NDUFV3: variants seen among roughly 807,000 people sequenced by gnomAD.
The protein encoded by NDUFV3 is NADH:ubiquinone oxidoreductase subunit V3.
Under a neutral mutation model 37.5 loss-of-function variants are expected in NDUFV3, and 44 were observed. That is an observed-to-expected ratio of 1.17 (90% confidence interval 0.92 to 1.51). The LOEUF (loss-of-function observed/expected upper bound fraction) is 1.51, where lower values mean the gene tolerates loss of function less well. Ranked by LOEUF, NDUFV3 falls within the 40% of genes most tolerant of loss-of-function variation. The pLI, the probability that NDUFV3 is intolerant of heterozygous loss-of-function variation, is 0.00. For synonymous variants in NDUFV3, 235 were observed against 239.3 expected, an observed-to-expected ratio of 0.98 and a Z score of 0.17; for missense variants, 580 against 580.4, an observed-to-expected ratio of 1.00 and a Z score of 0.01.
At position 42,910,648 on chromosome 21, in the gene NDUFV3, G is replaced by A; in HGVS notation, c.*1627G>A. The A allele has an allele frequency of 6.4e-6, 1 of 157,414 alleles. No homozygotes were observed. The highest frequency in any genetic ancestry group is 1.4e-5 in the Non-Finnish European group (1 of 70,396). 9.8% of individuals were successfully genotyped at this position (157,414 alleles called of 1,614,324 possible). On this transcript the variant is annotated 3_prime_UTR_variant, in exon 4 of 4. Transcript: ENST00000354250. ...GGAGTAGGAAGAGGTGAAGTTTCGTGCGGTGCAGGGACGGAGTAGGAAGAG... is the reference window on the plus strand; with the variant it reads ...GGAGTAGGAAGAGGTGAAGTTTCGTACGGTGCAGGGACGGAGTAGGAAGAG...
Position 42,897,040 on chromosome 21 carries a change from A to T in NDUFV3, c.162A>T (p.Pro54=), listed in dbSNP as rs2058695392. 6.2e-7 allele frequency: 1 copy of T among 1,613,934 alleles called. No homozygotes were observed. Among genetic ancestry groups the T allele is most frequent in the Admixed American group, 1.7e-5 (1 of 59,982 alleles). ...GQPQNSKKQS[P]PKNVVEPKER... ...CACAGAATTCCAAGAAGCAAAGTCC[A>T]CCAAAAAGTAAGATTTTGATGGTAG... Residue 54 remains proline (P), a synonymous_variant, in exon 2 of 4, where the codon CCA becomes CCT. Coordinates refer to ENST00000354250, the MANE Select transcript of NDUFV3 (RefSeq NM_021075.4).
rs5844144 is a variant in NDUFV3 at position 42,894,561 on chromosome 21, A to ATT, written c.48+1188_48+1189dup. 7.0e-3 allele frequency among the ~76,000 whole-genome samples: 434 copies of ATT among 62,402 alleles called. 5 individuals carry two copies. Among genetic ancestry groups the ATT allele is most frequent in the African/African-American group, 0.033 (416 of 12,472 alleles). 40.9% of individuals were successfully genotyped at this position (62,402 alleles called of 152,430 possible). On this transcript the variant is annotated intron_variant, in intron 1 of 3. Transcript: ENST00000354250. Reference sequence around the variant, plus strand: ...ATAATATAATATATAATATATATATATTTTTTTTTGAGACAGAGCCTCACT... The same window carrying ATT: ...ATAATATAATATATAATATATATATATTTTTTTTTTTGAGACAGAGCCTCACT...
At chr21:42,897,935 C>CA (rs2058701144) in intron 2 of NDUFV3, among the ~76,000 whole-genome samples, 1 of 152,204 alleles carries the variant, frequency 6.6e-6, no homozygotes, top group African/African-American at 2.4e-5. Context: ...CTTGGCCTCC[C>CA]AGAGTGCTGG....
chr21:42,900,392 G>A (rs1388682561), intron 2 of NDUFV3, among the ~76,000 whole-genome samples: 2 of 151,374 alleles, frequency 1.3e-5, no homozygotes, highest in African/African-American at 4.9e-5. Flanking sequence ...AATCCCAGTC[G>A]CTCAGGAGGC....
rs1165598126 is a variant in NDUFV3, at chr21:42,912,034, AG to A, written c.*3014del. ...GGCAGATGGATCACCTGAGGTTGGG[AG>A]TTTGAGACCAGCCTGACTAACATGG... On this transcript the variant is annotated 3_prime_UTR_variant, in exon 4 of 4. Transcript: ENST00000354250. 1 of 151,918 alleles carries A rather than the reference AG, an allele frequency of 6.6e-6. No homozygotes were observed. Among genetic ancestry groups the A allele is most frequent in the Admixed American group, 6.6e-5 (1 of 15,254 alleles). The allele number at this position is 151,918 out of a possible 1,614,324, so 9.4% of individuals were successfully genotyped here.
intron 1 of NDUFV3, among the ~76,000 whole-genome samples, chr21:42,896,292 G>A (rs561991138): frequency 6.6e-6 from 1 of 151,700 alleles, no homozygotes; most frequent in African/African-American, 2.4e-5. Flanking sequence ...AAGTAGCTGG[G>A]ACTACAGGCA....
chr21:42,906,290 G>A (rs972999908), intron 3 of NDUFV3, among the ~76,000 whole-genome samples: 1 of 152,178 alleles, frequency 6.6e-6, no homozygotes, highest in Non-Finnish European at 1.5e-5. Flanking sequence ...TCTCTAAAGT[G>A]CATGATCCCT....
chr21:42,897,590 G>T (rs2058698308), intron 2 of NDUFV3, among the ~76,000 whole-genome samples: 1 of 152,190 alleles, frequency 6.6e-6, no homozygotes, highest in Non-Finnish European at 1.5e-5. Flanking sequence ...AGCCAGGATG[G>T]TCTCAATCTC....
rs1282253564 is a variant in NDUFV3, at chr21:42,913,183, C to T, written c.*4162C>T. 3 of 152,252 alleles carry T rather than the reference C, an allele frequency of 2.0e-5. No individual in the cohort carries two copies. Among genetic ancestry groups the T allele is most frequent in the Admixed American group, 1.3e-4 (2 of 15,278 alleles). 9.4% of individuals were successfully genotyped at this position (152,252 alleles called of 1,614,324 possible). ...TTTCCCCCTGACCTTGGCCTTTATT[C>T]TAGAACGGATCTGAAGCAATAGGAT... On this transcript the variant is annotated 3_prime_UTR_variant, in exon 4 of 4. Transcript: ENST00000354250.
Position 42,909,859 on chromosome 21 carries a change from G to A in NDUFV3, c.*838G>A, listed in dbSNP as rs2058761849. On this transcript the variant is annotated 3_prime_UTR_variant, in exon 4 of 4. Coordinates refer to ENST00000354250, the MANE Select transcript of NDUFV3 (RefSeq NM_021075.4). ...CCACCATGCCTGGCTAATTTTTTTT[G>A]TATTTTTAGTAGAGATGGGGTTTCA... is the stretch of plus-strand genomic sequence containing the variant. 1 of 151,594 alleles carries A rather than the reference G, an allele frequency of 6.6e-6. No individual in the cohort carries two copies. Among genetic ancestry groups the A allele is most frequent in the South Asian group, 2.1e-4 (1 of 4,810 alleles). 9.4% of individuals were successfully genotyped at this position (151,594 alleles called of 1,614,324 possible).
chr21:42,896,775 G>C, intron 1 of NDUFV3, 152 bp from the exon 2 acceptor site: 3 of 647,846 alleles, frequency 4.6e-6, no homozygotes, highest in South Asian at 2.2e-5. Flanking sequence ...GGAGTTGAAG[G>C]CTGCAGTGAG....
Position 42,897,050 on chromosome 21 carries a change from A to T in NDUFV3, c.169+3A>T, listed in dbSNP as rs776779384. 1 of 1,613,874 alleles carries T rather than the reference A, an allele frequency of 6.2e-7. No individual in the cohort carries two copies. Among genetic ancestry groups the T allele is most frequent in the Non-Finnish European group, 8.5e-7 (1 of 1,179,852 alleles). ...CAAGAAGCAAAGTCCACCAAAAAGT[A>T]AGATTTTGATGGTAGTCATAAGGGA... is the stretch of plus-strand genomic sequence containing the variant. On this transcript the variant is annotated splice_donor_region_variant and intron_variant, in intron 2 of 3. Coordinates refer to ENST00000354250, the MANE Select transcript of NDUFV3 (RefSeq NM_021075.4).
At chr21:42,896,313 T>C (rs373689718) in intron 1 of NDUFV3, among the ~76,000 whole-genome samples, 503 of 139,432 alleles carry the variant, frequency 3.6e-3, no homozygotes, top group Middle Eastern at 0.015. Flanking sequence ...CCCGCCACCA[T>C]GCCCGGCTAA....
At position 42,909,227 on chromosome 21, in the gene NDUFV3, C is replaced by T. The variant is rs1049956250; in HGVS notation, c.*206C>T. The T allele has an allele frequency of 2.0e-5, 10 of 509,298 alleles. No homozygotes were observed. The highest frequency in any genetic ancestry group is 4.1e-5 in the East Asian group (1 of 24,496). 31.5% of individuals were successfully genotyped at this position (509,298 alleles called of 1,614,324 possible). On this transcript the variant is annotated 3_prime_UTR_variant, in exon 4 of 4. Coordinates refer to ENST00000354250, the MANE Select transcript of NDUFV3 (RefSeq NM_021075.4). ...CACATTCTCGGCTCACTGCAACTTC[C>T]GCCTCCTGGGTTCAAGTGATTCTCC...
In NDUFV3 at chr21:42,909,239, T is replaced by C. The variant is rs2058758094; in HGVS notation, c.*218T>C. The C allele has an allele frequency of 2.1e-6, 1 of 475,550 alleles. No individual in the cohort carries two copies. Among genetic ancestry groups the C allele is most frequent in the Non-Finnish European group, 3.8e-6 (1 of 261,990 alleles). The allele number at this position is 475,550 out of a possible 1,614,324, so 29.5% of individuals were successfully genotyped here. On this transcript the variant is annotated 3_prime_UTR_variant, in exon 4 of 4. Transcript: ENST00000354250. ...TCACTGCAACTTCCGCCTCCTGGGT[T>C]CAAGTGATTCTCCCACCTCAGCCTC...
intron 3 of NDUFV3, 103 bp downstream of exon 3, chr21:42,904,379 A>G (rs2058732688): frequency 6.8e-7 from 1 of 1,479,162 alleles, no homozygotes; most frequent in East Asian, 2.5e-5. Context: ...AATTAGTCAA[A>G]TTCTGTACTA....
chr21:42,900,371 C>T (rs1038722972), intron 2 of NDUFV3, among the ~76,000 whole-genome samples: 1 of 152,068 alleles, frequency 6.6e-6, no homozygotes, highest in African/African-American at 2.4e-5. Flanking sequence ...GGCATGGTGG[C>T]GGACGCCTGT....
chr21:42,908,126 G>A lies in NDUFV3; in HGVS notation c.1265-738G>A, dbSNP rs569891927. Among the ~76,000 whole-genome samples the A allele has an allele frequency of 2.0e-5, 3 of 151,724 alleles. No homozygotes were observed. In the South Asian group the frequency reaches 6.3e-4, roughly 32 times the overall value. ...AATCGAAACCACCCTGGCCAACATG[G>A]TGAAACCCCGTCTCTACTAAAAATA... On this transcript the variant is annotated intron_variant, in intron 3 of 3. Transcript: ENST00000354250.
chr21:42,905,504 TTTTGTTTGTTTG>T (rs201425165), intron 3 of NDUFV3, among the ~76,000 whole-genome samples: 3 of 152,054 alleles, frequency 2.0e-5, no homozygotes, highest in Admixed American at 6.6e-5. Flanking sequence ...ATGAAGGGTT[TTTTGTTTGTTTG>T]TTTGTTTGTT....
Sources: allele counts gnomAD v4.1 joint callset (sites outside exome capture counted in the v4.1 genomes callset), GRCh38; gene constraint gnomAD v4.1.1; transcripts MANE v1.5; gene names NCBI Gene and HGNC (gene_info 2026-07-23, HGNC 2026-07-21).